The following NDUFS1 variants were observed in gnomAD, a reference collection of about 807,000 sequenced individuals.
The protein encoded by NDUFS1 is NADH:ubiquinone oxidoreductase core subunit S1, also known as NADH-ubiquinone oxidoreductase 75 kDa subunit, mitochondrial.
A neutral mutation model predicts 84.4 loss-of-function variants in NDUFS1; 61 were observed. The ratio of observed to expected loss-of-function variants is 0.72; its 90% confidence interval spans 0.59 to 0.89. The LOEUF (loss-of-function observed/expected upper bound fraction) is 0.89. Among genes scored for constraint, NDUFS1 ranks in the 40% least tolerant of loss-of-function variants. The pLI, the probability that NDUFS1 is intolerant of heterozygous loss-of-function variation, is 0.00. For missense variants in NDUFS1, 891 were observed against 890.0 expected (o/e 1.00, Z -0.01); for synonymous variants, 275 against 290.0 (o/e 0.95, Z 0.53).
chr2:206,159,018 GGAATAAAACGGCCTCCTCCTCTGA>G, intron 1 of NDUFS1: 1 of 1,463,606 alleles, frequency 6.8e-7, no homozygotes, highest in African/African-American at 1.4e-5. Flanking sequence ...CCTCTCCCGG[GGAATAAAACGGCCTCCTCCTCTGA>G]GAGGGAAATG....
At chr2:206,142,584 A>G in intron 11 of NDUFS1, 102 bp downstream of exon 11, 1 of 1,434,826 alleles carries the variant, frequency 7.0e-7, no homozygotes, top group Non-Finnish European at 9.7e-7. Flanking sequence ...ATATGAAAAT[A>G]AACTGGGGGA....
intron 9 of NDUFS1, among the ~76,000 whole-genome samples, chr2:206,144,545 A>C (rs1367437520): frequency 6.6e-6 from 1 of 152,200 alleles, no homozygotes; most frequent in Non-Finnish European, 1.5e-5. Flanking sequence ...TTTTTCAAGC[A>C]ATCATCCCAC....
chr2:206,141,588 TA>T (rs1559054618), intron 12 of NDUFS1, among the ~76,000 whole-genome samples: 3,429 of 106,244 alleles, frequency 0.032, 135 homozygotes, highest in African/African-American at 0.14. Context: ...TCTAAAAAAT[TA>T]AAAAAATTAA....
intron 2 of NDUFS1, 66 bp from the exon 3 acceptor site, chr2:206,152,576 G>T (rs1575996680): frequency 1.2e-5 from 16 of 1,362,472 alleles, no homozygotes; most frequent in Middle Eastern, 1.8e-4. Flanking sequence ...GATAATGGAT[G>T]AATTGACTCT....
Position 206,141,967 on chromosome 2 carries a change from TG to T in NDUFS1, c.1235del (p.Pro412HisfsTer16). ...LVGTNPRFEA[P>X]LFNARIRKSW... ...TCTTTCGAATTCTAGCATTAAACAG[TG>T]GTGCCTCAAAACGTGGGTTTGTACC... is the stretch of plus-strand genomic sequence containing the variant. On this transcript the variant is annotated frameshift_variant, in exon 12 of 19. Transcript: ENST00000233190. LOFTEE classifies it high-confidence loss of function. 1 of 1,610,964 alleles carries T rather than the reference TG, an allele frequency of 6.2e-7. No homozygotes were observed. Among genetic ancestry groups the T allele is most frequent in the Non-Finnish European group, 8.5e-7 (1 of 1,177,236 alleles).
Position 206,115,803 on chromosome 2 carries a change from A to G in NDUFS1, c.*8382T>C. On this transcript the variant is annotated 3_prime_UTR_variant, in exon 19 of 19. Transcript: ENST00000233190. ...ATATTATATAAGGCTTAAGAATAAC[A>G]ACATTATCTTTGAATTATGTAATTT... 2.4e-6 allele frequency: 1 copy of G among 411,590 alleles called. No homozygotes were observed. The highest frequency in any genetic ancestry group is 4.6e-6 in the Non-Finnish European group (1 of 218,542). The allele number at this position is 411,590 out of a possible 1,614,324, so 25.5% of individuals were successfully genotyped here. A position where few individuals can be genotyped will look rare whatever the true frequency, so the allele number is the denominator to read the frequency against.
chr2:206,132,061 G>A (rs940508746), intron 14 of NDUFS1, among the ~76,000 whole-genome samples: 1 of 151,492 alleles, frequency 6.6e-6, no homozygotes, highest in African/African-American at 2.4e-5. Flanking sequence ...GGAGGGGGAG[G>A]CTGCAGTAAG....
chr2:206,124,170 A>T lies in NDUFS1; in HGVS notation c.*15T>A. On this transcript the variant is annotated 3_prime_UTR_variant, in exon 19 of 19. Transcript: ENST00000233190. ...ATTAATTATCTGCGGCAAAACTGGGATCCTAGTAGAAGCTTCAGCATATGG... is the reference window on the plus strand; with the variant it reads ...ATTAATTATCTGCGGCAAAACTGGGTTCCTAGTAGAAGCTTCAGCATATGG... 6.4e-7 allele frequency: 1 copy of T among 1,560,612 alleles called. No homozygotes were observed. The highest frequency in any genetic ancestry group is 1.1e-5 in the South Asian group (1 of 89,960).
chr2:206,139,782 A>G (rs1392660389), intron 12 of NDUFS1, among the ~76,000 whole-genome samples: 1 of 151,550 alleles, frequency 6.6e-6, no homozygotes, highest in Non-Finnish European at 1.5e-5. Flanking sequence ...AGTTTAGACA[A>G]TAAACTATAT....
chr2:206,121,851 A>C lies in NDUFS1; in HGVS notation c.*2334T>G, dbSNP rs180894808. ...AACTTAGCTATATAGCATCTTTTCT[A>C]TCTGAATGCAGTATTCTCTTACCCA... On this transcript the variant is annotated 3_prime_UTR_variant, in exon 19 of 19. Transcript: ENST00000233190. 6.6e-6 allele frequency: 1 copy of C among 152,300 alleles called. No homozygotes were observed. The highest frequency in any genetic ancestry group is 6.5e-5 in the Admixed American group (1 of 15,272). 9.4% of individuals were successfully genotyped at this position (152,300 alleles called of 1,614,324 possible). A position where few individuals can be genotyped will look rare whatever the true frequency, so the allele number is the denominator to read the frequency against.
At chr2:206,138,693 C>T in intron 12 of NDUFS1, 79 bp from the exon 13 acceptor site, 1 of 1,376,272 alleles carries the variant, frequency 7.3e-7, no homozygotes, top group Non-Finnish European at 1.0e-6. Flanking sequence ...AGTGATACAT[C>T]TATTTACTAT....
chr2:206,149,513 T>G (rs938190339), intron 4 of NDUFS1, among the ~76,000 whole-genome samples: 1 of 152,198 alleles, frequency 6.6e-6, no homozygotes, highest in Non-Finnish European at 1.5e-5. Flanking sequence ...ACTTTTAATG[T>G]GCTACTTGGC....
At chr2:206,136,318 C>T (rs541528060) in intron 13 of NDUFS1, among the ~76,000 whole-genome samples, 60 of 151,522 alleles carry the variant, frequency 4.0e-4, no homozygotes, top group Non-Finnish European at 6.3e-4. Flanking sequence ...TCCCAAAGTA[C>T]TGGAATTACA....
At chr2:206,152,615 T>C (rs1319688030) in intron 2 of NDUFS1, 105 bp from the exon 3 acceptor site, 3 of 936,652 alleles carry the variant, frequency 3.2e-6, no homozygotes, top group Non-Finnish European at 5.2e-6. Context: ...TTTCATTCCT[T>C]ATTATTCCTC....
chr2:206,158,120 G>A (rs373157062), intron 1 of NDUFS1, among the ~76,000 whole-genome samples: 5 of 151,782 alleles, frequency 3.3e-5, no homozygotes, highest in African/African-American at 7.3e-5. Flanking sequence ...CCGCCACCAC[G>A]CCCAGCTAAT....
intron 14 of NDUFS1, 140 bp from the exon 15 acceptor site, chr2:206,130,382 TCTCA>T (rs1559045186): frequency 6.3e-6 from 7 of 1,111,970 alleles, no homozygotes; most frequent in Non-Finnish European, 5.1e-6. Flanking sequence ...GGCGATAGAG[TCTCA>T]CTTTGTCGCC....
At chr2:206,138,103 G>T (rs922656123) in intron 13 of NDUFS1, among the ~76,000 whole-genome samples, 9 of 151,994 alleles carry the variant, frequency 5.9e-5, no homozygotes, top group African/African-American at 2.2e-4. Flanking sequence ...AAGTTTTTTT[G>T]GGGGTGGGAC....
In NDUFS1 at chr2:206,120,652, G is replaced by A. The variant is rs774045726; in HGVS notation, c.*3533C>T. ...TAAGCAGCAAAGCATTCAAGATGTG[G>A]CCTGGCTGATGCTAGCAGCCTACAA... On this transcript the variant is annotated 3_prime_UTR_variant, in exon 19 of 19. Coordinates refer to ENST00000233190, the MANE Select transcript of NDUFS1 (RefSeq NM_005006.7). The A allele has an allele frequency of 3.9e-5, 6 of 152,350 alleles. No homozygotes were observed. Among genetic ancestry groups the A allele is most frequent in the Admixed American group, 2.6e-4 (4 of 15,262 alleles). The allele number at this position is 152,350 out of a possible 1,614,324, so 9.4% of individuals were successfully genotyped here. A position where few individuals can be genotyped will look rare whatever the true frequency, so the allele number is the denominator to read the frequency against.
In NDUFS1 at chr2:206,138,525, A is replaced by AT. The variant is rs765149586; in HGVS notation, c.1351dup (p.Ile451AsnfsTer13). The AT allele has an allele frequency of 6.2e-7, 1 of 1,614,130 alleles. No individual in the cohort carries two copies. The highest frequency in any genetic ancestry group is 2.2e-5 in the East Asian group (1 of 44,876). ...GCTTCCCGAAGCAATGTCTTGAAGAATTTTGGGGGAGTCTCCCAGGTGGTC... is the reference window on the plus strand; with the variant it reads ...GCTTCCCGAAGCAATGTCTTGAAGAATTTTTGGGGGAGTCTCCCAGGTGGTC... On this transcript the variant is annotated frameshift_variant, in exon 13 of 19. Transcript: ENST00000233190. LOFTEE classifies it high-confidence loss of function.
Sources: allele counts gnomAD v4.1 joint callset (sites outside exome capture counted in the v4.1 genomes callset), GRCh38; gene constraint gnomAD v4.1.1; transcripts MANE v1.5; gene names NCBI Gene and HGNC (gene_info 2026-07-23, HGNC 2026-07-21).